Variants in USP34 observed in about 807,000 individuals in gnomAD.
USP34 encodes the protein ubiquitin carboxyl-terminal hydrolase 34.
In USP34, 70 loss-of-function variants were observed where a neutral mutation model predicts 460.3. That is an observed-to-expected ratio of 0.15 (90% CI 0.13 to 0.19). The LOEUF is 0.19. USP34 is among the 10% of genes least tolerant of loss of function. The probability of loss-of-function intolerance (pLI) is 1.00; values close to 1 mark genes in which losing one functional copy is unlikely to be tolerated. For synonymous variants in USP34, 1,647 were observed against 1,405.3 expected (o/e 1.17, Z -3.85); for missense variants, 3,985 against 4,236.2 (o/e 0.94, Z 1.65).
intron 27 of USP34, 78 bp from the exon 28 acceptor site, chr2:61,301,532 C>A: frequency 2.5e-6 from 3 of 1,189,434 alleles, no homozygotes; most frequent in Admixed American, 3.8e-5. Flanking sequence ...GTAGTTGTAG[C>A]AATTAAACAC....
chr2:61,449,413 T>C (rs1302960590), intron 1 of USP34, among the ~76,000 whole-genome samples: 1 of 151,826 alleles, frequency 6.6e-6, no homozygotes, highest in Non-Finnish European at 1.5e-5. Flanking sequence ...CTACAATCTC[T>C]ACCAGAATTC....
chr2:61,331,920 T>C (rs148737357), intron 19 of USP34, among the ~76,000 whole-genome samples: 34 of 152,160 alleles, frequency 2.2e-4, no homozygotes, highest in Non-Finnish European at 4.0e-4. Context: ...CATAATGTAT[T>C]TCATATAACA....
At chr2:61,356,000 C>T (rs914598723) in intron 10 of USP34, among the ~76,000 whole-genome samples, 1 of 151,942 alleles carries the variant, frequency 6.6e-6, no homozygotes, top group Admixed American at 6.6e-5. Flanking sequence ...AAAAAGGTTA[C>T]CAGAAAAAAA....
At chr2:61,288,141 T>C (rs1021681751) in intron 34 of USP34, among the ~76,000 whole-genome samples, 3 of 152,220 alleles carry the variant, frequency 2.0e-5, no homozygotes, top group African/African-American at 7.2e-5. Flanking sequence ...CTGATAATCT[T>C]ATAGCAGATG....
At chr2:61,443,791 T>C (rs982409349) in intron 1 of USP34, among the ~76,000 whole-genome samples, 2 of 152,202 alleles carry the variant, frequency 1.3e-5, no homozygotes, top group African/African-American at 4.8e-5. Flanking sequence ...TGAACCCTAA[T>C]GTGGACTATG....
intron 48 of USP34, among the ~76,000 whole-genome samples, chr2:61,255,403 G>A (rs1688698146): frequency 6.6e-6 from 1 of 152,142 alleles, no homozygotes; most frequent in Non-Finnish European, 1.5e-5. Context: ...GACCTTTCTA[G>A]CTGGATGCCC....
chr2:61,273,914 T>C (rs1689293585), intron 41 of USP34, among the ~76,000 whole-genome samples: 1 of 152,080 alleles, frequency 6.6e-6, no homozygotes, highest in Non-Finnish European at 1.5e-5. Context: ...TGGGTACATA[T>C]CTGAAAAAAA....
chr2:61,443,557 T>C (rs1268422613), intron 1 of USP34, among the ~76,000 whole-genome samples: 1 of 150,250 alleles, frequency 6.7e-6, no homozygotes, highest in Non-Finnish European at 1.5e-5. Flanking sequence ...TATTACTAAA[T>C]GAAAGAAACC....
At chr2:61,335,176 A>G (rs1691379833) in intron 18 of USP34, among the ~76,000 whole-genome samples, 1 of 152,224 alleles carries the variant, frequency 6.6e-6, no homozygotes, top group Admixed American at 6.5e-5. Flanking sequence ...TCAATGAAAA[A>G]GGAAACTTTA....
chr2:61,257,999 T>C (rs535733937), intron 44 of USP34, among the ~76,000 whole-genome samples: 7 of 152,332 alleles, frequency 4.6e-5, no homozygotes, highest in African/African-American at 1.2e-4. Flanking sequence ...GCTTTTAAAA[T>C]AGTCATTTAA....
intron 1 of USP34, among the ~76,000 whole-genome samples, chr2:61,449,624 G>T (rs956682092): frequency 6.6e-6 from 1 of 151,858 alleles, no homozygotes; most frequent in African/African-American, 2.4e-5. Flanking sequence ...TAGACATACA[G>T]ATCAATGAAA....
At chr2:61,192,862 A>G in intron 76 of USP34, 39 bp downstream of exon 76, 1 of 1,553,602 alleles carries the variant, frequency 6.4e-7, no homozygotes, top group Non-Finnish European at 8.8e-7. Context: ...TTGGTCAGAT[A>G]AGATTAAAGA....
chr2:61,370,290 G>A (rs1401377486), intron 10 of USP34, 31 bp downstream of exon 10: 36 of 1,595,376 alleles, frequency 2.3e-5, no homozygotes, highest in Non-Finnish European at 3.0e-5. Context: ...GATAAGCAAA[G>A]CACTCAATAA....
chr2:61,395,667 T>G (rs947066868), intron 3 of USP34, among the ~76,000 whole-genome samples: 4 of 147,566 alleles, frequency 2.7e-5, no homozygotes, highest in Admixed American at 6.8e-5. Context: ...GCGCCTGTAG[T>G]CCCAGCTACT....
intron 75 of USP34, among the ~76,000 whole-genome samples, chr2:61,197,104 C>T (rs1023699174): frequency 3.3e-5 from 5 of 152,014 alleles, no homozygotes; most frequent in Admixed American, 1.3e-4. Flanking sequence ...GTGAAACCCC[C>T]ACTCTATTTA....
intron 43 of USP34, among the ~76,000 whole-genome samples, chr2:61,262,331 C>A (rs772059306): frequency 1.3e-5 from 2 of 151,834 alleles, no homozygotes; most frequent in East Asian, 3.9e-4. Flanking sequence ...CAATCCTGTT[C>A]CTCTTCCCAC....
chr2:61,435,465 C>CA (rs374131942), intron 1 of USP34, among the ~76,000 whole-genome samples: 9 of 148,616 alleles, frequency 6.1e-5, no homozygotes, highest in Non-Finnish European at 1.2e-4. Context: ...AAAAAAAAAA[C>CA]AAAAAAACAG....
At chr2:61,421,261 C>G (rs547449907) in intron 1 of USP34, among the ~76,000 whole-genome samples, 1 of 152,184 alleles carries the variant, frequency 6.6e-6, no homozygotes, top group East Asian at 1.9e-4. Flanking sequence ...CTGATTCCAG[C>G]CTCCAGCTTA....
chr2:61,315,051 T>TA, intron 23 of USP34, 77 bp from the exon 24 acceptor site: 1 of 1,087,442 alleles, frequency 9.2e-7, no homozygotes, highest in Non-Finnish European at 1.3e-6. Context: ...GTATCAAAAG[T>TA]AAAAATCATA....
Sources: allele counts gnomAD v4.1 joint callset (sites outside exome capture counted in the v4.1 genomes callset), GRCh38; gene constraint gnomAD v4.1.1; transcripts MANE v1.5; gene names NCBI Gene and HGNC (gene_info 2026-07-23, HGNC 2026-07-21).